PASD1: variants seen among roughly 807,000 people sequenced by gnomAD.
PASD1 encodes the protein circadian clock protein PASD1.
PASD1 carries 13 observed loss-of-function variants against 58.8 expected under a neutral mutation model. The ratio of observed to expected loss-of-function variants is 0.22; its 90% CI spans 0.14 to 0.35. The LOEUF (loss-of-function observed/expected upper bound fraction) is 0.35, where lower values mean the gene tolerates loss of function less well. PASD1 is among the 10% of genes least tolerant of loss of function. PASD1 has a pLI of 1.00. For missense variants in PASD1, 734 were observed against 568.3 expected, an observed-to-expected ratio of 1.29 and a Z score of -2.96; for synonymous variants, 236 against 216.7, an observed-to-expected ratio of 1.09 and a Z score of -0.78.
At chrX:151,660,706 A>C (rs1010299877) in intron 10 of PASD1, among the ~76,000 whole-genome samples, 9 of 112,667 alleles carry the variant, frequency 8.0e-5, no homozygotes, top group Admixed American at 7.5e-4. Context: ...AAATCCTTAT[A>C]ACCTTCCACA....
chrX:151,611,876 GTTT>G, intron 4 of PASD1, 123 bp downstream of exon 4: 1 of 446,396 alleles, frequency 2.2e-6, no homozygotes, highest in Non-Finnish European at 3.7e-6. Context: ...GTGCAGGTTT[GTTT>G]CATATGGATA....
chrX:151,651,438 G>A (rs764292889), intron 9 of PASD1, among the ~76,000 whole-genome samples: 2 of 111,789 alleles, frequency 1.8e-5, no homozygotes, highest in Admixed American at 9.5e-5. Flanking sequence ...GGCAGGTGGG[G>A]TGGGATCTTC....
chrX:151,652,727 G>A (rs148730772), intron 9 of PASD1, among the ~76,000 whole-genome samples: 163 of 111,039 alleles, frequency 1.5e-3, no homozygotes, highest in Non-Finnish European at 2.2e-3. Flanking sequence ...GACATCTATG[G>A]TCGGGGGAGA....
chrX:151,627,861 C>T (rs2013811246), intron 8 of PASD1, among the ~76,000 whole-genome samples: 1 of 111,571 alleles, frequency 9.0e-6, no homozygotes, highest in African/African-American at 3.3e-5. Context: ...TCCTCTCCAG[C>T]ACCTGTTCTT....
At chrX:151,620,800 G>T in intron 4 of PASD1, 130 bp from the exon 5 acceptor site, 1 of 397,393 alleles carries the variant, frequency 2.5e-6, no homozygotes. Context: ...TGGCTGAGGT[G>T]GGGCAGAGCA....
chrX:151,607,336 C>G (rs2013501204), intron 3 of PASD1, among the ~76,000 whole-genome samples: 1 of 112,016 alleles, frequency 8.9e-6, no homozygotes, highest in Non-Finnish European at 1.9e-5. Flanking sequence ...CTTGTTAGAA[C>G]ATACTACACA....
At chrX:151,626,070 T>A (rs941595376) in intron 8 of PASD1, among the ~76,000 whole-genome samples, 6 of 112,426 alleles carry the variant, frequency 5.3e-5, no homozygotes, top group Middle Eastern at 4.6e-3. Flanking sequence ...TTTTATTTTT[T>A]AAAAAAAGCA....
intron 1 of PASD1, among the ~76,000 whole-genome samples, chrX:151,575,040 G>T (rs1054886975): frequency 3.6e-5 from 4 of 111,774 alleles, no homozygotes; most frequent in Admixed American, 9.5e-5. Context: ...CTTAGAGGCA[G>T]ATGTAAACAC....
intron 9 of PASD1, among the ~76,000 whole-genome samples, chrX:151,653,908 TTCTTTC>T (rs2014199468): frequency 4.5e-5 from 3 of 66,297 alleles, no homozygotes; most frequent in African/African-American, 1.9e-4. Context: ...CTTTCTTTCT[TTCTTTC>T]TTTCTTTCTT....
At chrX:151,675,647 A>C (rs2014534242) in intron 15 of PASD1, among the ~76,000 whole-genome samples, 1 of 112,093 alleles carries the variant, frequency 8.9e-6, no homozygotes. Flanking sequence ...ATCAGTCAGC[A>C]TGGAAATGAC....
intron 11 of PASD1, among the ~76,000 whole-genome samples, chrX:151,667,620 C>G (rs935428440): frequency 5.4e-5 from 6 of 112,116 alleles, no homozygotes; most frequent in Non-Finnish European, 1.1e-4. Flanking sequence ...TTTCCCAGCA[C>G]CATTTGTTAA....
At chrX:151,580,415 A>G (rs1049702968) in intron 1 of PASD1, among the ~76,000 whole-genome samples, 35 of 111,011 alleles carry the variant, frequency 3.2e-4, no homozygotes, top group African/African-American at 1.1e-3. Context: ...TATAAAAGCT[A>G]TCTGGTAAAG....
chrX:151,566,601 G>T (rs1206115898), intron 1 of PASD1, among the ~76,000 whole-genome samples: 2 of 111,578 alleles, frequency 1.8e-5, no homozygotes, highest in Non-Finnish European at 3.8e-5. Flanking sequence ...CCCTGTACAG[G>T]TTGATACCCT....
intron 1 of PASD1, among the ~76,000 whole-genome samples, chrX:151,581,868 C>G (rs1010295779): frequency 9.1e-6 from 1 of 109,907 alleles, no homozygotes; most frequent in African/African-American, 3.3e-5. Flanking sequence ...CAATGAGTAG[C>G]TGAAATAGAT....
At position 151,672,226 on chromosome X, in the gene PASD1, G is replaced by GGCA. The variant is rs2014482985; in HGVS notation, c.1484_1486dup (p.Gln495dup). 8.8e-7 allele frequency: 1 copy of GGCA among 1,135,934 alleles called. No individual in the cohort carries two copies. Among genetic ancestry groups the GGCA allele is most frequent in the Admixed American group, 2.7e-5 (1 of 36,652 alleles). 93.6% of individuals were successfully genotyped at this position (1,135,934 alleles called of 1,213,427 possible). On this transcript the variant is annotated inframe_insertion, in exon 14 of 16. Transcript: ENST00000370357. ...GAACAACACCTGAAGGAGCAGCAGC[G>GGCA]GCAGCTGCGGGAGCAGCTGCAACAG...
At chrX:151,575,375 A>C (rs2012988571) in intron 1 of PASD1, among the ~76,000 whole-genome samples, 2 of 110,956 alleles carry the variant, frequency 1.8e-5, no homozygotes, top group Non-Finnish European at 3.8e-5. Context: ...TGATTATTGA[A>C]TTCCCTGGTG....
intron 8 of PASD1, among the ~76,000 whole-genome samples, chrX:151,642,687 C>T (rs148675509): frequency 0.019 from 2,161 of 111,980 alleles, 44 homozygotes; most frequent in African/African-American, 0.066. Flanking sequence ...TACCATTTTC[C>T]CCAAACTTAT....
intron 1 of PASD1, among the ~76,000 whole-genome samples, chrX:151,586,019 G>A (rs1012348483): frequency 5.4e-5 from 6 of 111,539 alleles, no homozygotes; most frequent in South Asian, 7.6e-4. Flanking sequence ...TGTGGGAAGG[G>A]CACTCAGTTT....
At chrX:151,641,889 C>G (rs1419031513) in intron 8 of PASD1, among the ~76,000 whole-genome samples, 1 of 111,915 alleles carries the variant, frequency 8.9e-6, no homozygotes, top group Non-Finnish European at 1.9e-5. Flanking sequence ...CTTTTAGGCC[C>G]TGAAGTAATA....
Sources: allele counts gnomAD v4.1 joint callset (sites outside exome capture counted in the v4.1 genomes callset), GRCh38; gene constraint gnomAD v4.1.1; transcripts MANE v1.5; gene names NCBI Gene and HGNC (gene_info 2026-07-23, HGNC 2026-07-21).